Variants in TBXAS1 observed in about 807,000 individuals in gnomAD.
The protein encoded by TBXAS1 is thromboxane A synthase 1, also known as thromboxane-A synthase.
TBXAS1 carries 48 observed loss-of-function variants against 60.7 expected under a neutral mutation model. That is an observed-to-expected ratio of 0.79 (90% CI 0.63 to 1.01). The LOEUF (loss-of-function observed/expected upper bound fraction) is 1.01. Among genes scored for constraint, TBXAS1 ranks in the 50% least tolerant of loss-of-function variants. The pLI is 0.00. For synonymous variants in TBXAS1, 287 were observed against 269.7 expected (o/e 1.06, Z -0.63); for missense variants, 685 against 686.3 (o/e 1.00, Z 0.02).
chr7:140,018,516 C>G (rs1815280631), intron 12 of TBXAS1, among the ~76,000 whole-genome samples: 1 of 152,078 alleles, frequency 6.6e-6, no homozygotes, highest in Admixed American at 6.5e-5. Context: ...GAGAGCTGAG[C>G]TCTCCTGAAA....
At chr7:139,949,600 T>C in intron 5 of TBXAS1, among the ~76,000 whole-genome samples, 1 of 152,202 alleles carries the variant, frequency 6.6e-6, no homozygotes, top group Non-Finnish European at 1.5e-5. Flanking sequence ...TTTGTACTGA[T>C]GGATTATTAA....
At chr7:139,991,528 G>A (rs760902356) in intron 9 of TBXAS1, among the ~76,000 whole-genome samples, 3 of 152,218 alleles carry the variant, frequency 2.0e-5, no homozygotes, top group Admixed American at 6.5e-5. Flanking sequence ...GGTCATTTAT[G>A]AACATCAAGG....
At chr7:139,984,578 T>C (rs1317974253) in intron 9 of TBXAS1, among the ~76,000 whole-genome samples, 1 of 138,928 alleles carries the variant, frequency 7.2e-6, no homozygotes, top group Non-Finnish European at 1.6e-5. Flanking sequence ...GGACACTATT[T>C]TGTCCTAGGG....
intron 4 of TBXAS1, among the ~76,000 whole-genome samples, chr7:139,790,631 A>G (rs965553334): frequency 2.0e-5 from 3 of 152,368 alleles, no homozygotes; most frequent in East Asian, 3.9e-4. Context: ...ATGAATGTAC[A>G]TAGTAATAAG....
intron 8 of TBXAS1, 131 bp from the exon 9 acceptor site, chr7:139,961,788 A>G (rs1307787244): frequency 9.7e-6 from 11 of 1,131,154 alleles, no homozygotes; most frequent in Non-Finnish European, 1.4e-5. Flanking sequence ...ATAACCCAGC[A>G]ATGAGGAAGC....
At chr7:139,914,228 G>T (rs895373956) in intron 4 of TBXAS1, among the ~76,000 whole-genome samples, 1 of 151,832 alleles carries the variant, frequency 6.6e-6, no homozygotes. Flanking sequence ...CAGAGATGGG[G>T]GTCTTACTAT....
intron 4 of TBXAS1, among the ~76,000 whole-genome samples, chr7:139,790,017 A>G (rs1413809764): frequency 6.6e-6 from 1 of 152,198 alleles, no homozygotes; most frequent in Non-Finnish European, 1.5e-5. Flanking sequence ...AGCCCTAACT[A>G]TGGAATCGGA....
In TBXAS1 at chr7:139,962,147, C is replaced by T; in HGVS notation, c.1048C>T (p.Leu350Phe). ...TGGCTATGAAATCATCACCAACACA[C>T]TTTCTTTTGCCACCTACCTACTGGC... Reference protein sequence around the residue: ...IAGYEIITNTLSFATYLLATN... With the variant: ...IAGYEIITNTFSFATYLLATN... The change falls in exon 9 of 13, where the codon CTT (leucine) becomes TTT (phenylalanine). Residue 350 changes from leucine to phenylalanine, a missense_variant. Coordinates refer to ENST00000448866, the MANE Select transcript of TBXAS1 (RefSeq NM_001061.7). 1.9e-6 allele frequency: 3 copies of T among 1,614,242 alleles called. No individual in the cohort carries two copies. Among genetic ancestry groups the T allele is most frequent in the Non-Finnish European group, 2.5e-6 (3 of 1,180,050 alleles).
chr7:139,875,657 T>C lies in TBXAS1; in HGVS notation c.236+20T>C, dbSNP rs878880128. 1 of 1,606,048 alleles carries C rather than the reference T, an allele frequency of 6.2e-7. No individual in the cohort carries two copies. The highest frequency in any genetic ancestry group is 1.1e-5 in the South Asian group (1 of 91,074). ...GTGTGGGTAAGAAGGAAACTCAACG[T>C]TTCTATTATGTACGATATTTTCTAT... On this transcript the variant is annotated intron_variant, in intron 3 of 12. Coordinates refer to ENST00000448866, the MANE Select transcript of TBXAS1 (RefSeq NM_001061.7).
In TBXAS1 at chr7:139,831,931, C is replaced by CAAACA. The variant is rs200064741; in HGVS notation, c.89+2473_89+2477dup. ...TGGGTGACAAAGAAAGACTCTGTTT[C>CAAACA]AAACAAAACAAAACAAAACAAAACA... On this transcript the variant is annotated intron_variant, in intron 1 of 12. Coordinates refer to ENST00000448866, the MANE Select transcript of TBXAS1 (RefSeq NM_001061.7). 2.8e-3 allele frequency among the ~76,000 whole-genome samples: 428 copies of CAAACA among 152,054 alleles called. 1 individual carries two copies. Among genetic ancestry groups the CAAACA allele is most frequent in the African/African-American group, 9.2e-3 (382 of 41,470 alleles).
intron 9 of TBXAS1, among the ~76,000 whole-genome samples, chr7:139,963,231 A>G (rs1810512089): frequency 6.6e-6 from 1 of 152,186 alleles, no homozygotes; most frequent in African/African-American, 2.4e-5. Context: ...AGTTATGACA[A>G]CTGCCAAGCT....
rs1232339673 is a variant in TBXAS1 at position 139,999,142 on chromosome 7, T to A, written c.1135-7949T>A. Among the ~76,000 whole-genome samples, 1 of 152,198 alleles carries A rather than the reference T, an allele frequency of 6.6e-6. No individual in the cohort carries two copies. The highest frequency in any genetic ancestry group is 1.5e-5 in the Non-Finnish European group (1 of 68,022). ...CCCTGCAAGCCTTGAAACTGCTCAC[T>A]GGACCCACTCAGACAACAGAGCTAT... is the stretch of plus-strand genomic sequence containing the variant. On this transcript the variant is annotated intron_variant, in intron 9 of 12. Transcript: ENST00000448866. This position sits in a 1 kb window ranked among gnomAD's most constrained non-coding sequence, Gnocchi z 4.3.
chr7:139,943,930 C>A (rs186438919), intron 5 of TBXAS1, among the ~76,000 whole-genome samples: 4 of 152,094 alleles, frequency 2.6e-5, no homozygotes, highest in East Asian at 1.9e-4. Context: ...CAGCAGCTGA[C>A]CCTTACTTAT....
At chr7:139,845,697 A>G (rs529063260) in intron 1 of TBXAS1, among the ~76,000 whole-genome samples, 2 of 152,192 alleles carry the variant, frequency 1.3e-5, no homozygotes, top group Middle Eastern at 3.4e-3. Context: ...TGTGTGGCAT[A>G]TGCATTGTTC....
chr7:139,782,307 G>C (rs2117220812), intron 2 of TBXAS1, among the ~76,000 whole-genome samples: 1 of 151,882 alleles, frequency 6.6e-6, no homozygotes, highest in East Asian at 1.9e-4. Context: ...AACTGGAAAG[G>C]ATTTAGTAAC....
At chr7:139,833,509 CAAAAAA>C (rs56291914) in intron 1 of TBXAS1, among the ~76,000 whole-genome samples, 6 of 74,406 alleles carry the variant, frequency 8.1e-5, no homozygotes, top group African/African-American at 2.0e-4. Flanking sequence ...ACTAAAAATA[CAAAAAA>C]AAAAAAAAAA....
At chr7:139,895,866 C>G in intron 3 of TBXAS1, among the ~76,000 whole-genome samples, 1 of 152,218 alleles carries the variant, frequency 6.6e-6, no homozygotes, top group Non-Finnish European at 1.5e-5. Context: ...AACAGGGCAC[C>G]TCTGCAGGGG....
chr7:139,778,760 T>A lies in TBXAS1; in HGVS notation c.-318+289T>A, dbSNP rs1431204488. On this transcript the variant is annotated intron_variant, in intron 1 of 16. Coordinates refer to the TBXAS1 transcript ENST00000336425. This position sits in a 1 kb window ranked among gnomAD's most constrained non-coding sequence, Gnocchi z 4.8. ...GGTCCTCGCTTTTCTCAGCGCTCTC[T>A]CCTATCAGGGCTTCCGCTAAACACT... Among the ~76,000 whole-genome samples the A allele has an allele frequency of 6.6e-6, 1 of 152,088 alleles. No homozygotes were observed. The highest frequency in any genetic ancestry group is 2.4e-5 in the African/African-American group (1 of 41,394).
intron 5 of TBXAS1, chr7:139,952,683 T>G: frequency 1.3e-6 from 2 of 1,524,700 alleles, no homozygotes; most frequent in Non-Finnish European, 8.8e-7. Context: ...CACTCTACCT[T>G]TCTGTGTAAG....
Sources: allele counts gnomAD v4.1 joint callset (sites outside exome capture counted in the v4.1 genomes callset), GRCh38; gene constraint gnomAD v4.1.1; non-coding constraint Gnocchi (gnomAD v3.1); transcripts MANE v1.5; gene names NCBI Gene and HGNC (gene_info 2026-07-23, HGNC 2026-07-21).